Variants in MAPK14 observed in about 807,000 individuals in gnomAD.
MAPK14 encodes mitogen-activated protein kinase 14, also known as CSAID-binding protein.
MAPK14 carries 16 observed loss-of-function variants against 49.6 expected under a neutral mutation model. That is an observed-to-expected ratio of 0.32 (90% CI 0.22 to 0.49). MAPK14 has a LOEUF of 0.49. MAPK14 is among the 20% of genes least tolerant of loss of function. MAPK14 has a pLI of 0.99. For missense variants in MAPK14, 200 were observed against 441.2 expected (o/e 0.45, Z 4.90); for synonymous variants, 142 against 158.0 (o/e 0.90, Z 0.76).
intron 8 of MAPK14, among the ~76,000 whole-genome samples, chr6:36,089,604 G>A (rs186081098): frequency 1.1e-4 from 17 of 152,274 alleles, no homozygotes; most frequent in African/African-American, 3.6e-4. Flanking sequence ...TGTGTTATCA[G>A]ATTAGAAATT....
At position 36,108,772 on chromosome 6, in the gene MAPK14, C is replaced by A; in HGVS notation, c.*325C>A. The stretch of plus-strand genomic sequence containing the variant: ...TGTCCTTTTAGGAATATGTTCAATG[C>A]AAAGTAAAAAAATATGAATTGTCCC... On this transcript the variant is annotated 3_prime_UTR_variant, in exon 12 of 12. Transcript: ENST00000229794. 3.3e-6 allele frequency: 1 copy of A among 299,026 alleles called. No homozygotes were observed. The highest frequency in any genetic ancestry group is 4.0e-5 in the South Asian group (1 of 25,138). 18.5% of individuals were successfully genotyped at this position (299,026 alleles called of 1,614,324 possible). A position where few individuals can be genotyped will look rare whatever the true frequency, so the allele number is the denominator to read the frequency against.
chr6:36,034,186 A>G (rs1286571534), intron 1 of MAPK14, among the ~76,000 whole-genome samples: 1 of 152,198 alleles, frequency 6.6e-6, no homozygotes, highest in Non-Finnish European at 1.5e-5. Context: ...GTGAGGGGTA[A>G]TGACTTAACC....
Position 36,063,536 on chromosome 6 carries a change from C to G in MAPK14, c.305+4189C>G, listed in dbSNP as rs560674291. ...GCCCAGGGGCAGCGGTTATATTGAACCATGATTGCGCCACTGCATTCCAGC... is the reference window on the plus strand; with the variant it reads ...GCCCAGGGGCAGCGGTTATATTGAAGCATGATTGCGCCACTGCATTCCAGC... On this transcript the variant is annotated intron_variant, in intron 3 of 11. Transcript: ENST00000229794. Among the ~76,000 whole-genome samples, 53 of 152,270 alleles carry G rather than the reference C, an allele frequency of 3.5e-4. No homozygotes were observed. In the South Asian group the frequency reaches 0.011, roughly 30 times the overall value.
chr6:36,089,206 T>C (rs1765117730), intron 8 of MAPK14, among the ~76,000 whole-genome samples: 1 of 152,200 alleles, frequency 6.6e-6, no homozygotes. Context: ...ATATACACCA[T>C]GGAATACTAT....
At chr6:36,080,810 C>CA (rs1764727638) in intron 8 of MAPK14, among the ~76,000 whole-genome samples, 1 of 151,972 alleles carries the variant, frequency 6.6e-6, no homozygotes, top group Non-Finnish European at 1.5e-5. Context: ...ACATGCCCAC[C>CA]AGCAATGCAT....
downstream of MAPK14, among the ~76,000 whole-genome samples, chr6:36,111,893 G>A (rs1029588889): frequency 6.6e-6 from 1 of 152,172 alleles, no homozygotes; most frequent in African/African-American, 2.4e-5. Flanking sequence ...GTTACATGGG[G>A]TCCTTTAGCT....
At chr6:36,090,092 T>C (rs1372609406) in intron 8 of MAPK14, among the ~76,000 whole-genome samples, 1 of 152,236 alleles carries the variant, frequency 6.6e-6, no homozygotes, top group Non-Finnish European at 1.5e-5. Context: ...GTTACTGCCC[T>C]GGTCTATGGG....
chr6:36,114,169 T>C (rs1766021317), downstream of MAPK14, among the ~76,000 whole-genome samples: 1 of 152,240 alleles, frequency 6.6e-6, no homozygotes, highest in Non-Finnish European at 1.5e-5. Flanking sequence ...CAGAGATGTC[T>C]CCAGATGTTG....
intron 8 of MAPK14, among the ~76,000 whole-genome samples, chr6:36,091,326 G>C (rs1765219854): frequency 6.6e-6 from 1 of 152,068 alleles, no homozygotes; most frequent in Non-Finnish European, 1.5e-5. Flanking sequence ...GTAATCTTAG[G>C]CTTAAGTTGT....
chr6:36,064,064 T>TG (rs1763937976), intron 3 of MAPK14, among the ~76,000 whole-genome samples: 1 of 149,518 alleles, frequency 6.7e-6, no homozygotes, highest in Admixed American at 6.7e-5. Flanking sequence ...TGCCTTTTCT[T>TG]TGTGTGTGTG....
At chr6:36,054,690 T>C (rs983367797) in intron 2 of MAPK14, among the ~76,000 whole-genome samples, 1 of 152,240 alleles carries the variant, frequency 6.6e-6, no homozygotes, top group Non-Finnish European at 1.5e-5. Context: ...TTGAAAACAT[T>C]TGTTAGGTGC....
intron 1 of MAPK14, among the ~76,000 whole-genome samples, chr6:36,051,578 C>G (rs559207743): frequency 6.6e-6 from 1 of 152,094 alleles, no homozygotes; most frequent in East Asian, 1.9e-4. Context: ...GCATGCCATA[C>G]GTTTCCTACC....
At chr6:36,049,654 C>G (rs1028236608) in intron 1 of MAPK14, among the ~76,000 whole-genome samples, 1 of 152,062 alleles carries the variant, frequency 6.6e-6, no homozygotes, top group African/African-American at 2.4e-5. Context: ...TGATGGAGAA[C>G]TGTTAAGGGA....
At chr6:36,111,663 T>C (rs1161082806), downstream of MAPK14, among the ~76,000 whole-genome samples, 1 of 152,132 alleles carries the variant, frequency 6.6e-6, no homozygotes, top group African/African-American at 2.4e-5. Context: ...CTCAGGGACT[T>C]TGCTGATGTG....
At chr6:36,044,718 A>C (rs935212195) in intron 1 of MAPK14, among the ~76,000 whole-genome samples, 2 of 151,968 alleles carry the variant, frequency 1.3e-5, no homozygotes, top group African/African-American at 4.8e-5. Flanking sequence ...TACAAAAGAA[A>C]ATTTTAAAAA....
Position 36,110,911 on chromosome 6 carries a change from T to TTA in MAPK14, c.*2465_*2466dup, listed in dbSNP as rs1765946961. 6.6e-6 allele frequency: 1 copy of TTA among 152,248 alleles called. No homozygotes were observed. 9.4% of individuals were successfully genotyped at this position (152,248 alleles called of 1,614,324 possible). The stretch of plus-strand genomic sequence containing the variant: ...ATTTAGAAAATGTTGATAAAGCTTC[T>TTA]TAGTTGTACATTTTTTGGTGAAGAG... On this transcript the variant is annotated 3_prime_UTR_variant, in exon 12 of 12. Transcript: ENST00000229794.
chr6:36,029,322 C>A (rs1762443969), intron 1 of MAPK14, among the ~76,000 whole-genome samples: 1 of 152,058 alleles, frequency 6.6e-6, no homozygotes, highest in African/African-American at 2.4e-5. Flanking sequence ...GGAAGAGATA[C>A]TTTTTAGCTT....
At chr6:36,076,427 A>AT in intron 7 of MAPK14, 110 bp from the exon 8 acceptor site, 1 of 761,318 alleles carries the variant, frequency 1.3e-6, no homozygotes, top group Non-Finnish European at 2.3e-6. Flanking sequence ...TGAGCCTCAG[A>AT]TGTCTTAAAT....
At chr6:36,121,603 C>T in the MAPK14 span, among the ~76,000 whole-genome samples, 2 of 152,222 alleles carry the variant, frequency 1.3e-5, no homozygotes, top group African/African-American at 4.8e-5. Flanking sequence ...CTTACTCATC[C>T]CTGTTGCCAC....
Sources: allele counts gnomAD v4.1 joint callset (sites outside exome capture counted in the v4.1 genomes callset), GRCh38; gene constraint gnomAD v4.1.1; transcripts MANE v1.5; gene names NCBI Gene and HGNC (gene_info 2026-07-23, HGNC 2026-07-21).